TXNDC5: variants seen among roughly 807,000 people sequenced by gnomAD.
TXNDC5 encodes thioredoxin domain-containing protein 5.
A neutral mutation model predicts 52.6 loss-of-function variants in TXNDC5; 44 were observed. The ratio of observed to expected loss-of-function variants is 0.84; its 90% CI spans 0.66 to 1.08. The LOEUF is 1.08. TXNDC5 is among the 50% of genes least tolerant of loss of function. The probability of loss-of-function intolerance (pLI) is 0.00; values close to 1 mark genes in which losing one functional copy is unlikely to be tolerated. For missense variants in TXNDC5, 600 were observed against 565.5 expected (o/e 1.06, Z -0.62); for synonymous variants, 241 against 234.4 (o/e 1.03, Z -0.26).
chr6:7,910,149 C>T (rs1042107388), intron 1 of TXNDC5: 49 of 988,588 alleles, frequency 5.0e-5, no homozygotes, highest in Non-Finnish European at 4.9e-5. Flanking sequence ...CGCACCGCCC[C>T]GGCCGCCGAG....
At chr6:7,892,332 G>A (rs2113338187) in intron 4 of TXNDC5, among the ~76,000 whole-genome samples, 1 of 152,368 alleles carries the variant, frequency 6.6e-6, no homozygotes, top group South Asian at 2.1e-4. Flanking sequence ...ACACTACGGG[G>A]ACACAATTAG....
intron 4 of TXNDC5, 99 bp from the exon 5 acceptor site, chr6:7,891,835 CT>C: frequency 1.3e-6 from 1 of 781,790 alleles, no homozygotes; most frequent in Non-Finnish European, 2.1e-6. Flanking sequence ...CTTTGTCCTG[CT>C]TAGCAAATCT....
chr6:7,902,040 CAG>C (rs1049631157), intron 2 of TXNDC5, among the ~76,000 whole-genome samples: 8 of 152,080 alleles, frequency 5.3e-5, no homozygotes, highest in African/African-American at 1.7e-4. Context: ...CACACACACA[CAG>C]AGAGAGAAGG....
chr6:7,906,557 A>AAAC lies in TXNDC5; in HGVS notation c.264-1835_264-1834insGTT, dbSNP rs1561816188. On this transcript the variant is annotated intron_variant, in intron 1 of 9. Transcript: ENST00000379757. ...TCTCAAAAAAAAAAAAAAAAAAAAA[A>AAAC]GAAAAACAGACTTAAAGGTAGCACT... is the stretch of plus-strand genomic sequence containing the variant. Among the ~76,000 whole-genome samples the AAAC allele has an allele frequency of 7.1e-3, 942 of 133,264 alleles. 61 individuals are homozygous for AAAC. The highest frequency in any genetic ancestry group is 0.032 in the African/African-American group (891 of 27,740). 87.4% of individuals were successfully genotyped at this position (133,264 alleles called of 152,430 possible). A position where few individuals can be genotyped will look rare whatever the true frequency, so the allele number is the denominator to read the frequency against.
chr6:7,903,177 T>C (rs1581327295), intron 2 of TXNDC5, among the ~76,000 whole-genome samples: 1 of 152,348 alleles, frequency 6.6e-6, no homozygotes, highest in East Asian at 1.9e-4. Context: ...ATTCACCTCC[T>C]CGCCCTCATC....
At position 7,890,754 on chromosome 6, in the gene TXNDC5, A is replaced by T. The variant is rs79452139; in HGVS notation, c.732+867T>A. Among the ~76,000 whole-genome samples the T allele has an allele frequency of 9.4e-3, 1,431 of 152,358 alleles. 13 individuals are homozygous for T. Among genetic ancestry groups the T allele is most frequent in the Non-Finnish European group, 0.016 (1,096 of 68,032 alleles). On this transcript the variant is annotated intron_variant, in intron 5 of 9. Transcript: ENST00000379757. ...TTACAATTTACCAAGCATCTGCCCC[A>T]TGCTAAGCATCACACTAAGCAGTGT...
intron 1 of TXNDC5, among the ~76,000 whole-genome samples, chr6:7,906,545 A>AAAAAAC (rs1760737776): frequency 6.7e-6 from 1 of 150,008 alleles, no homozygotes; most frequent in African/African-American, 2.5e-5. Context: ...CAAAAAAAAA[A>AAAAAAC]AAAAAAAAAA....
At chr6:7,884,309 G>A (rs1161688947) in intron 9 of TXNDC5, 50 bp downstream of exon 9, 1 of 1,609,106 alleles carries the variant, frequency 6.2e-7, no homozygotes, top group Non-Finnish European at 8.5e-7. Context: ...GTTCCCTTGG[G>A]ATCTGCCCCC....
intron 3 of TXNDC5, among the ~76,000 whole-genome samples, chr6:7,895,804 AAC>A (rs1345028971): frequency 2.0e-5 from 3 of 152,092 alleles, no homozygotes; most frequent in African/African-American, 7.2e-5. Context: ...CAGCCTAGGC[AAC>A]AGAGTGAGAC....
chr6:7,891,081 G>A lies in TXNDC5; in HGVS notation c.732+540C>T, dbSNP rs1400244699. On this transcript the variant is annotated intron_variant, in intron 5 of 9. Transcript: ENST00000379757. ...TGCTGGAAAGTGTAGAAGAATAAAA[G>A]TGATGTCCCTGGAGCTACACTGGAT... Among the ~76,000 whole-genome samples, 3 of 152,216 alleles carry A rather than the reference G, an allele frequency of 2.0e-5. No homozygotes were observed. In the East Asian group the frequency reaches 5.8e-4, roughly 29 times the overall value.
chr6:7,907,856 T>G (rs1379216869), intron 1 of TXNDC5, among the ~76,000 whole-genome samples: 1 of 152,224 alleles, frequency 6.6e-6, no homozygotes, highest in African/African-American at 2.4e-5. Context: ...CTCAGCCTCC[T>G]TTCCTGGCAG....
chr6:7,884,636 T>C, intron 8 of TXNDC5, 148 bp from the exon 9 acceptor site: 2 of 1,128,104 alleles, frequency 1.8e-6, no homozygotes, highest in Non-Finnish European at 2.5e-6. Flanking sequence ...TCCCACTGGG[T>C]GCACATTAAC....
chr6:7,889,860 G>A (rs1038183504), intron 5 of TXNDC5, among the ~76,000 whole-genome samples: 2 of 152,134 alleles, frequency 1.3e-5, no homozygotes, highest in African/African-American at 2.4e-5. Context: ...ATTTTAACTC[G>A]AGCAAGTAAA....
chr6:7,909,959 A>T, intron 1 of TXNDC5: 1 of 986,096 alleles, frequency 1.0e-6, no homozygotes, highest in Non-Finnish European at 1.2e-6. Flanking sequence ...CGGCCGGCAC[A>T]GGAAGTTTGG....
chr6:7,906,522 C>A (rs1760734801), intron 1 of TXNDC5, among the ~76,000 whole-genome samples: 1 of 101,004 alleles, frequency 9.9e-6, no homozygotes, highest in African/African-American at 4.0e-5. Context: ...GGCGATAGAG[C>A]AAGACTCCAT....
chr6:7,887,768 G>C (rs556925437), intron 7 of TXNDC5, among the ~76,000 whole-genome samples: 1 of 152,068 alleles, frequency 6.6e-6, no homozygotes, highest in Admixed American at 6.5e-5. Flanking sequence ...CTCACTCTCA[G>C]GGATCCTACA....
In TXNDC5 at chr6:7,904,951, T is replaced by G. The variant is rs575109385; in HGVS notation, c.264-228A>C. Among the ~76,000 whole-genome samples the G allele has an allele frequency of 6.9e-4, 105 of 152,320 alleles. 7 individuals are homozygous for G. In the South Asian group the frequency reaches 0.021, roughly 31 times the overall value. ...TCTTGGCCTTGTTCCAGTATTAAACTTAGCAAAGTGTTGTTCTGGATCCTA... is the reference window on the plus strand; with the variant it reads ...TCTTGGCCTTGTTCCAGTATTAAACGTAGCAAAGTGTTGTTCTGGATCCTA... On this transcript the variant is annotated intron_variant, in intron 1 of 9. Transcript: ENST00000379757.
At chr6:7,900,775 G>T (rs1039252430) in intron 2 of TXNDC5, among the ~76,000 whole-genome samples, 6 of 152,148 alleles carry the variant, frequency 3.9e-5, no homozygotes, top group African/African-American at 1.4e-4. Context: ...TTCTTGCTGT[G>T]CCCTCACATG....
chr6:7,888,679 G>T (rs1458340509), intron 7 of TXNDC5, 26 bp downstream of exon 7: 1 of 1,594,686 alleles, frequency 6.3e-7, no homozygotes, highest in South Asian at 1.1e-5. Context: ...CCACTTATGG[G>T]GATCCCGACT....
Sources: gnomAD v4.1 joint callset for allele counts (sites outside exome capture counted in the v4.1 genomes callset) on GRCh38, gnomAD v4.1.1 for gene constraint, MANE v1.5 for transcripts, NCBI Gene and HGNC (gene_info 2026-07-23, HGNC 2026-07-21) for gene names.